Variants in UVRAG observed in about 807,000 individuals in gnomAD.
UVRAG encodes the protein UV radiation resistance associated.
A neutral mutation model predicts 78.0 loss-of-function variants in UVRAG; 19 were observed. The ratio of observed to expected loss-of-function variants is 0.24; its 90% CI spans 0.17 to 0.36. UVRAG has a LOEUF of 0.36. UVRAG is among the 10% of genes least tolerant of loss of function. The pLI is 1.00. For synonymous variants in UVRAG, 323 were observed against 324.6 expected (o/e 1.00, Z 0.05); for missense variants, 740 against 853.8 (o/e 0.87, Z 1.66).
chr11:75,967,693 T>G (rs1222594196), intron 7 of UVRAG, among the ~76,000 whole-genome samples: 3 of 152,196 alleles, frequency 2.0e-5, no homozygotes, highest in African/African-American at 7.2e-5. Context: ...TTACATTGCT[T>G]AAATATTTTG....
At chr11:76,003,096 A>T (rs1480318290) in intron 8 of UVRAG, among the ~76,000 whole-genome samples, 1 of 151,810 alleles carries the variant, frequency 6.6e-6, no homozygotes, top group African/African-American at 2.4e-5. Context: ...AAAAGAATTG[A>T]GGTATGAGGG....
chr11:76,122,158 C>CTATA, intron 14 of UVRAG, among the ~76,000 whole-genome samples: 1 of 152,248 alleles, frequency 6.6e-6, no homozygotes, highest in East Asian at 1.9e-4. Context: ...GTACGACATG[C>CTATA]TATAAGGGAG....
chr11:75,838,425 C>T (rs1945832452), intron 1 of UVRAG, among the ~76,000 whole-genome samples: 2 of 151,968 alleles, frequency 1.3e-5, no homozygotes, highest in African/African-American at 4.8e-5. Context: ...GAAGCCTCAA[C>T]CTCCTGGGCT....
At chr11:75,842,606 T>A (rs1945942178) in intron 1 of UVRAG, among the ~76,000 whole-genome samples, 3 of 152,018 alleles carry the variant, frequency 2.0e-5, no homozygotes, top group Admixed American at 2.0e-4. Flanking sequence ...CATTCCCAGC[T>A]AATTTTTGTA....
chr11:75,945,875 T>G (rs539583468), intron 6 of UVRAG, among the ~76,000 whole-genome samples: 1 of 152,268 alleles, frequency 6.6e-6, no homozygotes, highest in South Asian at 2.1e-4. Context: ...TTCCTTCAAA[T>G]GTTGGCTCAG....
chr11:76,029,553 CATGGATG>C (rs1175563801), intron 12 of UVRAG, among the ~76,000 whole-genome samples: 1 of 152,100 alleles, frequency 6.6e-6, no homozygotes. Flanking sequence ...TTCCAACCCT[CATGGATG>C]ATTTTGAAGG....
At chr11:76,062,413 T>C (rs1237012409) in intron 12 of UVRAG, among the ~76,000 whole-genome samples, 1 of 152,232 alleles carries the variant, frequency 6.6e-6, no homozygotes, top group East Asian at 1.9e-4. Context: ...CCAAGATCTT[T>C]AGGATTTTGA....
intron 6 of UVRAG, among the ~76,000 whole-genome samples, chr11:75,926,277 G>T (rs1948102606): frequency 6.6e-6 from 1 of 152,166 alleles, no homozygotes; most frequent in African/African-American, 2.4e-5. Flanking sequence ...AATATGTCAA[G>T]TGTGAAGTGA....
At chr11:75,980,689 T>G (rs1451281943) in intron 7 of UVRAG, among the ~76,000 whole-genome samples, 1 of 151,746 alleles carries the variant, frequency 6.6e-6, no homozygotes, top group African/African-American at 2.4e-5. Context: ...AGAATTTTTT[T>G]TTTTTTTTTG....
intron 6 of UVRAG, among the ~76,000 whole-genome samples, chr11:75,939,667 T>C (rs114308834): frequency 0.015 from 2,333 of 152,222 alleles, 72 homozygotes; most frequent in African/African-American, 0.053. Context: ...TTTTTGCTTA[T>C]CAGTGATTAA....
intron 6 of UVRAG, among the ~76,000 whole-genome samples, chr11:75,914,050 A>T (rs73493909): frequency 0.11 from 16,789 of 152,212 alleles, 1,826 homozygotes; most frequent in African/African-American, 0.29. Flanking sequence ...AGATCACGTG[A>T]CTATTTATCA....
intron 12 of UVRAG, among the ~76,000 whole-genome samples, chr11:76,029,903 C>T (rs754802829): frequency 2.0e-5 from 3 of 152,188 alleles, no homozygotes; most frequent in Non-Finnish European, 4.4e-5. Context: ...CTCCAACCTT[C>T]AGCAACCACC....
chr11:76,022,418 A>G (rs1418026000), intron 12 of UVRAG, among the ~76,000 whole-genome samples: 1 of 151,872 alleles, frequency 6.6e-6, no homozygotes, highest in Admixed American at 6.6e-5. Flanking sequence ...AAAACTGTAT[A>G]TTTCTCCTTT....
intron 6 of UVRAG, among the ~76,000 whole-genome samples, chr11:75,947,522 A>G (rs185237777): frequency 8.5e-5 from 13 of 152,320 alleles, no homozygotes; most frequent in Admixed American, 6.5e-4. Context: ...GCAACCTGAT[A>G]TATAAGGGGA....
At chr11:75,864,050 G>T (rs1946482547) in intron 3 of UVRAG, among the ~76,000 whole-genome samples, 1 of 150,520 alleles carries the variant, frequency 6.6e-6, no homozygotes, top group African/African-American at 2.4e-5. Flanking sequence ...CTTAATAAAG[G>T]TTCTATTAAC....
intron 6 of UVRAG, among the ~76,000 whole-genome samples, chr11:75,935,336 T>A (rs565510628): frequency 6.6e-6 from 1 of 152,354 alleles, no homozygotes; most frequent in East Asian, 1.9e-4. Context: ...ATTATCACAT[T>A]TGTGACATGA....
At chr11:76,076,507 C>G (rs1469958359) in intron 13 of UVRAG, among the ~76,000 whole-genome samples, 1 of 152,178 alleles carries the variant, frequency 6.6e-6, no homozygotes, top group South Asian at 2.1e-4. Context: ...ATTCAATTAC[C>G]TCCCACTGGG....
intron 14 of UVRAG, among the ~76,000 whole-genome samples, chr11:76,124,885 T>A (rs1000476593): frequency 4.6e-5 from 7 of 152,216 alleles, no homozygotes; most frequent in Admixed American, 3.3e-4. Flanking sequence ...CTGAGAATAA[T>A]GAAAATTTAG....
At chr11:75,883,122 T>G (rs774162980) in intron 4 of UVRAG, among the ~76,000 whole-genome samples, 1 of 152,180 alleles carries the variant, frequency 6.6e-6, no homozygotes, top group African/African-American at 2.4e-5. Flanking sequence ...TTGTTTCTCT[T>G]CTACTTGAAA....
Sources: gnomAD v4.1 joint callset for allele counts (sites outside exome capture counted in the v4.1 genomes callset) on GRCh38, gnomAD v4.1.1 for gene constraint, MANE v1.5 for transcripts, NCBI Gene and HGNC (gene_info 2026-07-23, HGNC 2026-07-21) for gene names.